DOCK4: variants seen among roughly 807,000 people sequenced by gnomAD.
DOCK4 encodes the protein dedicator of cytokinesis protein 4.
Under a neutral mutation model 268.1 loss-of-function variants are expected in DOCK4, and 97 were observed. That is an observed-to-expected ratio of 0.36 (90% CI 0.31 to 0.43). The LOEUF (loss-of-function observed/expected upper bound fraction) is 0.43, where lower values mean the gene tolerates loss of function less well. DOCK4 is among the 20% of genes least tolerant of loss of function. The probability of loss-of-function intolerance (pLI) is 1.00; values close to 1 mark genes in which losing one functional copy is unlikely to be tolerated. For missense variants in DOCK4, 2,145 were observed against 2,455.7 expected (o/e 0.87, Z 2.67); for synonymous variants, 954 against 887.2 (o/e 1.08, Z -1.34).
intron 1 of DOCK4, among the ~76,000 whole-genome samples, chr7:112,149,451 G>A (rs1815838313): frequency 6.6e-6 from 1 of 151,824 alleles, no homozygotes; most frequent in Non-Finnish European, 1.5e-5. Context: ...CTCTGTGTAT[G>A]AGAATACAAG....
intron 1 of DOCK4, among the ~76,000 whole-genome samples, chr7:112,150,504 C>T (rs1815959221): frequency 6.6e-6 from 1 of 152,120 alleles, no homozygotes; most frequent in Admixed American, 6.6e-5. Context: ...AAGTTATTTC[C>T]TTCAAACACT....
intron 1 of DOCK4, among the ~76,000 whole-genome samples, chr7:112,042,117 C>T (rs568988423): frequency 5.9e-5 from 9 of 151,988 alleles, no homozygotes; most frequent in African/African-American, 1.7e-4. Flanking sequence ...GCCTGGGCAA[C>T]ACAGCAAATC....
rs776153643 is a variant in DOCK4 at position 111,989,108 on chromosome 7, T to C, written c.371A>G (p.Asp124Gly). Reference sequence around the variant, plus strand: ...GCCCACCAGCACCTGCCGCCTCAGGTCCAGGATTTCATTCATGATGTGCCA... The same window carrying C: ...GCCCACCAGCACCTGCCGCCTCAGGCCCAGGATTTCATTCATGATGTGCCA... ...RLWHIMNEIL[D>G]LRRQVLVGHL... Residue 124 changes from aspartate to glycine, a missense_variant, in exon 6 of 53, where the codon GAC becomes GGC. Transcript: ENST00000428084. The C allele has an allele frequency of 1.2e-6, 2 of 1,614,010 alleles. No individual in the cohort carries two copies. The highest frequency in any genetic ancestry group is 8.5e-7 in the Non-Finnish European group (1 of 1,179,896).
At chr7:112,013,146 C>T (rs964339325) in intron 1 of DOCK4, among the ~76,000 whole-genome samples, 1 of 152,178 alleles carries the variant, frequency 6.6e-6, no homozygotes, top group African/African-American at 2.4e-5. Flanking sequence ...ACTCATCTTC[C>T]TCATACAACT....
chr7:112,109,893 C>A (rs1043289720), intron 1 of DOCK4, among the ~76,000 whole-genome samples: 3 of 150,214 alleles, frequency 2.0e-5, no homozygotes, highest in Admixed American at 1.3e-4. Context: ...TACAGGCGCC[C>A]GCCATCACGC....
intron 16 of DOCK4, among the ~76,000 whole-genome samples, chr7:111,880,470 G>A (rs528566156): frequency 3.9e-5 from 6 of 152,256 alleles, no homozygotes; most frequent in South Asian, 2.1e-4. Flanking sequence ...TCTTCAATCC[G>A]AAAGAAAAGG....
intron 1 of DOCK4, among the ~76,000 whole-genome samples, chr7:112,112,870 T>A (rs1002658544): frequency 6.6e-6 from 1 of 152,074 alleles, no homozygotes; most frequent in African/African-American, 2.4e-5. Flanking sequence ...CACAGAAAAA[T>A]TGCATATTCT....
In DOCK4 at chr7:111,844,839, A is replaced by C; in HGVS notation, c.2660T>G (p.Leu887Arg). 6.2e-7 allele frequency: 1 copy of C among 1,613,680 alleles called. No individual in the cohort carries two copies. The highest frequency in any genetic ancestry group is 8.5e-7 in the Non-Finnish European group (1 of 1,179,692). Residue 887 changes from leucine to arginine, a missense_variant, in exon 25 of 53, where the codon CTG becomes CGG. Leu to Arg is a moderately radical substitution (Grantham distance 102). This residue lies in a region of DOCK4 where 1,598 missense variants were observed against 1,986.7 expected (regional missense o/e 0.80). Transcript: ENST00000428084. ...GCTGGTGATCTCCAATATGGTCCTC[A>C]GCAGAATATCCAGCAAGCTGGCCAC... ...VIVASLLDIL[L>R]RTILEITSRP...
intron 1 of DOCK4, among the ~76,000 whole-genome samples, chr7:112,092,233 T>C (rs1441925896): frequency 2.0e-5 from 3 of 152,190 alleles, no homozygotes; most frequent in Non-Finnish European, 4.4e-5. Context: ...CCCTCTTGTT[T>C]ATCCACCACG....
chr7:111,984,537 G>A, intron 6 of DOCK4, 147 bp from the exon 7 acceptor site: 1 of 662,100 alleles, frequency 1.5e-6, no homozygotes, highest in Non-Finnish European at 2.6e-6. Flanking sequence ...CCACAGTTGG[G>A]GTAGACAATA....
Position 111,739,463 on chromosome 7 carries a change from G to T in DOCK4, c.5055C>A (p.Thr1685=). Residue 1685 remains threonine (T), a synonymous_variant, in exon 48 of 53, where the codon ACC becomes ACA. Coordinates refer to ENST00000428084, the MANE Select transcript of DOCK4 (RefSeq NM_001363540.2). ...EVFNMQPSPS[T]SSLSSTHSAS... ...CCGAGTGAGTAGAACTCAAGCTTGAGGTAGATGGACTTGGCTGGAAACACA... is the reference window on the plus strand; with the variant it reads ...CCGAGTGAGTAGAACTCAAGCTTGATGTAGATGGACTTGGCTGGAAACACA... The T allele has an allele frequency of 6.4e-7, 1 of 1,568,634 alleles. No individual in the cohort carries two copies. Among genetic ancestry groups the T allele is most frequent in the Non-Finnish European group, 8.6e-7 (1 of 1,156,818 alleles).
chr7:111,732,355 C>T (rs1795162841), intron 51 of DOCK4, 68 bp from the exon 52 acceptor site: 2 of 1,532,690 alleles, frequency 1.3e-6, no homozygotes, highest in East Asian at 4.5e-5. Context: ...TGCACATGCC[C>T]TCTGTGTTAC....
At chr7:112,057,547 T>C (rs1373618644) in intron 1 of DOCK4, among the ~76,000 whole-genome samples, 1 of 146,238 alleles carries the variant, frequency 6.8e-6, no homozygotes, top group Non-Finnish European at 1.5e-5. Flanking sequence ...CAAGACCCTG[T>C]CCCAAAAAAT....
chr7:111,767,720 G>A (rs73432100), intron 37 of DOCK4, among the ~76,000 whole-genome samples: 11,980 of 152,072 alleles, frequency 0.079, 1,507 homozygotes, highest in African/African-American at 0.27. Context: ...CACAATGGCC[G>A]AGTAGATGGA....
At chr7:112,139,734 A>T (rs1814712518) in intron 1 of DOCK4, among the ~76,000 whole-genome samples, 1 of 152,212 alleles carries the variant, frequency 6.6e-6, no homozygotes, top group Admixed American at 6.5e-5. Context: ...ACCAATGAAG[A>T]TGTACTAAAG....
intron 38 of DOCK4, among the ~76,000 whole-genome samples, chr7:111,765,543 T>C (rs1427130447): frequency 1.3e-5 from 2 of 152,214 alleles, no homozygotes; most frequent in Admixed American, 6.5e-5. Flanking sequence ...AGAGAAAAAT[T>C]ATTTCTATGC....
chr7:112,127,792 A>G (rs1183898622), intron 1 of DOCK4, among the ~76,000 whole-genome samples: 1 of 152,136 alleles, frequency 6.6e-6, no homozygotes, highest in Non-Finnish European at 1.5e-5. Context: ...GCACTTTGGG[A>G]GGCCAAGGTG....
intron 1 of DOCK4, among the ~76,000 whole-genome samples, chr7:112,098,595 A>T (rs190649400): frequency 1.3e-5 from 2 of 149,574 alleles, no homozygotes; most frequent in Non-Finnish European, 3.0e-5. Context: ...GATTATGTAA[A>T]TTAAGTAATT....
At chr7:112,107,258 C>G (rs776890078) in intron 1 of DOCK4, among the ~76,000 whole-genome samples, 1 of 152,142 alleles carries the variant, frequency 6.6e-6, no homozygotes, top group Non-Finnish European at 1.5e-5. Flanking sequence ...AGTCCTAACT[C>G]CTGGTATCTT....
Sources: allele counts gnomAD v4.1 joint callset (sites outside exome capture counted in the v4.1 genomes callset), GRCh38; gene constraint gnomAD v4.1.1; regional missense constraint gnomAD v4.1.1; transcripts MANE v1.5; gene names NCBI Gene and HGNC (gene_info 2026-07-23, HGNC 2026-07-21).